Variants in ADAM2 observed in about 807,000 individuals in gnomAD.
ADAM2 encodes the protein ADAM metallopeptidase domain 2, also known as disintegrin and metalloproteinase domain-containing protein 2.
Under a neutral mutation model 99.3 loss-of-function variants are expected in ADAM2, and 101 were observed. The observed-to-expected ratio is 1.02, with a 90% CI of 0.87 to 1.20. The LOEUF (loss-of-function observed/expected upper bound fraction) is 1.20, where lower values mean the gene tolerates loss of function less well. Among genes scored for constraint, ADAM2 ranks in the 50% most tolerant of loss-of-function variants. ADAM2 has a pLI of 0.00. For missense variants in ADAM2, 948 were observed against 878.7 expected (o/e 1.08, Z -1.00); for synonymous variants, 323 against 287.6 (o/e 1.12, Z -1.25).
chr8:39,791,193 A>G (rs2129585595), intron 7 of ADAM2, among the ~76,000 whole-genome samples: 1 of 152,196 alleles, frequency 6.6e-6, no homozygotes, highest in Non-Finnish European at 1.5e-5. Flanking sequence ...TAGCCAAGCC[A>G]GCCAGTTTTA....
At chr8:39,773,002 A>C (rs1259857259) in intron 11 of ADAM2, among the ~76,000 whole-genome samples, 2 of 151,878 alleles carry the variant, frequency 1.3e-5, no homozygotes, top group Non-Finnish European at 2.9e-5. Context: ...GGAAGGAATC[A>C]ATTTGAAAAA....
intron 7 of ADAM2, among the ~76,000 whole-genome samples, chr8:39,807,918 A>G (rs868387253): frequency 1.6e-4 from 24 of 152,094 alleles, no homozygotes; most frequent in Admixed American, 3.3e-4. Context: ...ACAAAACTCA[A>G]CACCTACTCC....
At chr8:39,784,237 TG>T (rs1803360683) in intron 10 of ADAM2, among the ~76,000 whole-genome samples, 1 of 152,196 alleles carries the variant, frequency 6.6e-6, no homozygotes, top group South Asian at 2.1e-4. Flanking sequence ...AAAATAACTG[TG>T]GAGAATAAGA....
At chr8:39,761,323 T>A in intron 14 of ADAM2, 42 bp from the exon 15 acceptor site, 1 of 1,148,566 alleles carries the variant, frequency 8.7e-7, no homozygotes, top group Non-Finnish European at 1.2e-6. Flanking sequence ...AAACTTATAT[T>A]AATTAAAAAT....
rs554302178 is a variant in ADAM2 at position 39,786,716 on chromosome 8, C to A, written c.891+258G>T. Among the ~76,000 whole-genome samples, 44 of 152,118 alleles carry A rather than the reference C, an allele frequency of 2.9e-4. No homozygotes were observed. In the South Asian group the frequency reaches 9.1e-3, roughly 32 times the overall value. ...ATTAAGATTATGAAAACTTGAAGAG[C>A]ACTTTACAGTAAGACTAAACTAGTT... On this transcript the variant is annotated intron_variant, in intron 10 of 20. Transcript: ENST00000265708.
intron 7 of ADAM2, among the ~76,000 whole-genome samples, chr8:39,789,873 C>A (rs1469093504): frequency 6.6e-6 from 1 of 151,348 alleles, no homozygotes; most frequent in Non-Finnish European, 1.5e-5. Flanking sequence ...AAAACATGTG[C>A]AAATAATGTG....
chr8:39,835,741 T>A (rs1234285781), intron 2 of ADAM2, among the ~76,000 whole-genome samples: 1 of 152,130 alleles, frequency 6.6e-6, no homozygotes, highest in Non-Finnish European at 1.5e-5. Context: ...CTAGCCTTTA[T>A]TAACTGTAAT....
intron 11 of ADAM2, among the ~76,000 whole-genome samples, chr8:39,773,343 A>G (rs142471486): frequency 2.6e-5 from 4 of 151,992 alleles, no homozygotes; most frequent in African/African-American, 9.6e-5. Flanking sequence ...TTTACACAAA[A>G]AGAAGGGAGG....
chr8:39,813,703 A>C (rs1253758574), intron 6 of ADAM2, among the ~76,000 whole-genome samples: 1 of 152,048 alleles, frequency 6.6e-6, no homozygotes, highest in African/African-American at 2.4e-5. Context: ...TCTCACTCAG[A>C]AGTGGGAATT....
At chr8:39,778,727 GAGA>G (rs1393727796) in intron 10 of ADAM2, among the ~76,000 whole-genome samples, 2 of 152,032 alleles carry the variant, frequency 1.3e-5, no homozygotes, top group African/African-American at 4.8e-5. Flanking sequence ...GGAAAAGAAG[GAGA>G]AGAAGGGGAA....
At chr8:39,832,858 G>A (rs974910796) in intron 3 of ADAM2, among the ~76,000 whole-genome samples, 2 of 151,878 alleles carry the variant, frequency 1.3e-5, no homozygotes, top group South Asian at 2.1e-4. Flanking sequence ...TATATAGTAT[G>A]TGATTCATCC....
chr8:39,749,586 C>CATGTGTGTGTGTGCATGT (rs112217136), intron 17 of ADAM2, 81 bp downstream of exon 17: 1 of 1,070,562 alleles, frequency 9.3e-7, no homozygotes, highest in East Asian at 3.9e-5. Context: ...TGTGTGTGTG[C>CATGTGTGTGTGTGCATGT]GTGTGTGTGT....
intron 10 of ADAM2, among the ~76,000 whole-genome samples, chr8:39,781,121 G>T (rs1803211477): frequency 6.6e-6 from 1 of 151,740 alleles, no homozygotes. Context: ...TAATGTTTTG[G>T]ATTTGATACA....
At chr8:39,832,227 GCA>G (rs1313945556) in intron 3 of ADAM2, among the ~76,000 whole-genome samples, 2 of 152,142 alleles carry the variant, frequency 1.3e-5, no homozygotes, top group Non-Finnish European at 2.9e-5. Context: ...CCAGGAAAAT[GCA>G]CAGTTTGGTG....
intron 6 of ADAM2, among the ~76,000 whole-genome samples, chr8:39,815,281 C>T (rs1030046403): frequency 6.6e-6 from 1 of 151,612 alleles, no homozygotes; most frequent in Non-Finnish European, 1.5e-5. Flanking sequence ...TGATTATGTT[C>T]GTATAATGAA....
intron 18 of ADAM2, among the ~76,000 whole-genome samples, chr8:39,748,098 T>C (rs1403596454): frequency 6.6e-6 from 1 of 152,178 alleles, no homozygotes; most frequent in Non-Finnish European, 1.5e-5. Flanking sequence ...TATTAGATGG[T>C]TGTATTTTTG....
chr8:39,757,180 C>T (rs1227146300), intron 15 of ADAM2, among the ~76,000 whole-genome samples: 1 of 152,064 alleles, frequency 6.6e-6, no homozygotes, highest in African/African-American at 2.4e-5. Context: ...CACAATTTCT[C>T]ATGATGCGAT....
intron 6 of ADAM2, among the ~76,000 whole-genome samples, chr8:39,811,497 T>C (rs1191086557): frequency 6.6e-6 from 1 of 152,196 alleles, no homozygotes; most frequent in Non-Finnish European, 1.5e-5. Flanking sequence ...TAGACCAATA[T>C]TCCTGAGGAA....
At position 39,782,259 on chromosome 8, in the gene ADAM2, AT is replaced by A. The variant is rs1803265842; in HGVS notation, c.891+4714del. Among the ~76,000 whole-genome samples, 5 of 152,176 alleles carry A rather than the reference AT, an allele frequency of 3.3e-5. No homozygotes were observed. In the South Asian group the frequency reaches 8.3e-4, roughly 25 times the overall value. The stretch of plus-strand genomic sequence containing the variant: ...TTTAACAAATGTATCTTCTGTATCT[AT>A]TTTTTAATAAAGTAGATTATAATGA... On this transcript the variant is annotated intron_variant, in intron 10 of 20. Coordinates refer to ENST00000265708, the MANE Select transcript of ADAM2 (RefSeq NM_001464.5).
Sources: gnomAD v4.1 joint callset for allele counts (sites outside exome capture counted in the v4.1 genomes callset) on GRCh38, gnomAD v4.1.1 for gene constraint, MANE v1.5 for transcripts, NCBI Gene and HGNC (gene_info 2026-07-23, HGNC 2026-07-21) for gene names.